Variants in PLD1 observed in about 807,000 individuals in gnomAD.
PLD1 encodes the protein phospholipase D1.
A neutral mutation model predicts 137.1 loss-of-function variants in PLD1; 112 were observed. The ratio of observed to expected loss-of-function variants is 0.82; its 90% CI spans 0.70 to 0.96. The LOEUF (loss-of-function observed/expected upper bound fraction) is 0.96. Among genes scored for constraint, PLD1 ranks in the 40% least tolerant of loss-of-function variants. The pLI is 0.00. For missense variants in PLD1, 1,321 were observed against 1,342.0 expected (o/e 0.98, Z 0.24); for synonymous variants, 431 against 454.7 (o/e 0.95, Z 0.66).
intron 1 of PLD1, among the ~76,000 whole-genome samples, chr3:171,797,085 A>T (rs1300049261): frequency 1.3e-5 from 2 of 151,822 alleles, no homozygotes; most frequent in Non-Finnish European, 2.9e-5. Context: ...TCCTCCCCTC[A>T]CATCACCCTT....
intron 23 of PLD1, among the ~76,000 whole-genome samples, chr3:171,631,154 C>G (rs1248482145): frequency 1.3e-5 from 2 of 152,020 alleles, no homozygotes; most frequent in African/African-American, 4.8e-5. Flanking sequence ...AATCAAACTA[C>G]TTTTGATTAC....
chr3:171,666,784 G>A (rs1019958374), intron 19 of PLD1, among the ~76,000 whole-genome samples: 32 of 152,042 alleles, frequency 2.1e-4, no homozygotes, highest in Admixed American at 5.2e-4. Context: ...TTCAAACCAC[G>A]AGTTTGAATA....
intron 6 of PLD1, among the ~76,000 whole-genome samples, chr3:171,730,988 T>A (rs1718899622): frequency 6.6e-6 from 1 of 151,112 alleles, no homozygotes; most frequent in Non-Finnish European, 1.5e-5. Context: ...ATTTCTAAGC[T>A]GATCATAGCA....
chr3:171,714,764 A>G (rs1446265041), intron 8 of PLD1, among the ~76,000 whole-genome samples: 1 of 152,164 alleles, frequency 6.6e-6, no homozygotes, highest in Non-Finnish European at 1.5e-5. Flanking sequence ...TTTTTTTTTA[A>G]TACATAAGTT....
intron 23 of PLD1, among the ~76,000 whole-genome samples, chr3:171,628,990 T>C (rs1401002389): frequency 6.8e-6 from 1 of 146,806 alleles, no homozygotes; most frequent in Non-Finnish European, 1.5e-5. Flanking sequence ...CTATTCAACA[T>C]AGTGTTGGAA....
At position 171,724,681 on chromosome 3, in the gene PLD1, C is replaced by T. The variant is rs569094505; in HGVS notation, c.758+15G>A. 1.1e-5 allele frequency: 17 copies of T among 1,493,862 alleles called. No individual in the cohort carries two copies. The highest frequency in any genetic ancestry group is 1.5e-5 in the Non-Finnish European group (16 of 1,070,864). 92.5% of individuals were successfully genotyped at this position (1,493,862 alleles called of 1,614,324 possible). On this transcript the variant is annotated intron_variant, in intron 8 of 26. Transcript: ENST00000351298. ...TATTAAAACAAACAAATACACAAAACTCACTAATTCCTACCTTTTTGACCA... is the reference window on the plus strand; with the variant it reads ...TATTAAAACAAACAAATACACAAAATTCACTAATTCCTACCTTTTTGACCA...
chr3:171,760,913 C>T (rs1560284619), intron 1 of PLD1, among the ~76,000 whole-genome samples: 2 of 152,322 alleles, frequency 1.3e-5, no homozygotes, highest in East Asian at 3.9e-4. Flanking sequence ...ACACCATTCT[C>T]AGGCAAACTT....
At chr3:171,662,815 G>A (rs1215132876) in intron 19 of PLD1, among the ~76,000 whole-genome samples, 1 of 152,148 alleles carries the variant, frequency 6.6e-6, no homozygotes, top group Non-Finnish European at 1.5e-5. Flanking sequence ...CTTTCTAATG[G>A]CATAATAAAG....
At position 171,602,964 on chromosome 3, in the gene PLD1, T is replaced by C; in HGVS notation, c.*114A>G. The C allele has an allele frequency of 1.4e-6, 1 of 712,854 alleles. No homozygotes were observed. The highest frequency in any genetic ancestry group is 2.6e-5 in the East Asian group (1 of 38,836). 44.2% of individuals were successfully genotyped at this position (712,854 alleles called of 1,614,324 possible). The stretch of plus-strand genomic sequence containing the variant: ...CTCCCCAGTCATTCCAAAAGGTCCT[T>C]GGGTTGGATACGAGAATGCGTCAGG... On this transcript the variant is annotated 3_prime_UTR_variant, in exon 27 of 27. Transcript: ENST00000351298.
At chr3:171,634,050 T>C (rs1385756265) in intron 23 of PLD1, among the ~76,000 whole-genome samples, 1 of 152,204 alleles carries the variant, frequency 6.6e-6, no homozygotes, top group Non-Finnish European at 1.5e-5. Flanking sequence ...CCACTACATA[T>C]ACAAAAACAA....
intron 1 of PLD1, 25 bp downstream of exon 1, chr3:171,810,374 A>T (rs894581511): frequency 1.1e-4 from 16 of 152,212 alleles, no homozygotes; most frequent in African/African-American, 3.9e-4. Flanking sequence ...GCGCCCGGTG[A>T]TCCGGGTCTC....
intron 21 of PLD1, among the ~76,000 whole-genome samples, chr3:171,652,769 T>TG (rs1251432948): frequency 6.3e-5 from 5 of 79,438 alleles, no homozygotes; most frequent in Non-Finnish European, 8.1e-5. Flanking sequence ...CTCAGCTATT[T>TG]TTTTTTTTTT....
chr3:171,660,562 T>C (rs144533005), intron 20 of PLD1, among the ~76,000 whole-genome samples: 1 of 152,290 alleles, frequency 6.6e-6, no homozygotes, highest in East Asian at 1.9e-4. Context: ...CATCATTTAA[T>C]ACTACTGTCA....
chr3:171,640,224 T>C (rs1735624822), intron 23 of PLD1, among the ~76,000 whole-genome samples: 1 of 152,084 alleles, frequency 6.6e-6, no homozygotes, highest in Non-Finnish European at 1.5e-5. Context: ...TTTCTCTTCT[T>C]TTTCTACTTT....
chr3:171,686,389 T>C (rs1714560640), intron 16 of PLD1, among the ~76,000 whole-genome samples: 1 of 152,162 alleles, frequency 6.6e-6, no homozygotes, highest in Admixed American at 6.5e-5. Context: ...TCTTTCTGCA[T>C]CATCAGAGAG....
intron 14 of PLD1, among the ~76,000 whole-genome samples, chr3:171,687,962 C>A (rs1029231396): frequency 6.6e-6 from 1 of 152,144 alleles, no homozygotes; most frequent in Non-Finnish European, 1.5e-5. Context: ...TCCTTATGCA[C>A]TAAATTGCTA....
At chr3:171,783,206 G>C (rs1397327271) in intron 1 of PLD1, among the ~76,000 whole-genome samples, 2 of 152,124 alleles carry the variant, frequency 1.3e-5, no homozygotes, top group Non-Finnish European at 2.9e-5. Flanking sequence ...AGAGGGCTGA[G>C]TATCAGTGGA....
intron 25 of PLD1, among the ~76,000 whole-genome samples, chr3:171,607,950 C>T: frequency 6.6e-6 from 1 of 152,064 alleles, no homozygotes; most frequent in Non-Finnish European, 1.5e-5. Flanking sequence ...AGTGAAACTG[C>T]ATTTTTTAAG....
At chr3:171,732,195 C>T (rs532882775) in intron 6 of PLD1, among the ~76,000 whole-genome samples, 4 of 152,272 alleles carry the variant, frequency 2.6e-5, no homozygotes, top group African/African-American at 9.6e-5. Context: ...TTTTTATTAA[C>T]AATAGTAGTA....
Sources: gnomAD v4.1 joint callset for allele counts (sites outside exome capture counted in the v4.1 genomes callset) on GRCh38, gnomAD v4.1.1 for gene constraint, MANE v1.5 for transcripts, NCBI Gene and HGNC (gene_info 2026-07-23, HGNC 2026-07-21) for gene names.